LPP: variants seen among roughly 807,000 people sequenced by gnomAD.
LPP encodes the protein lipoma-preferred partner.
Under a neutral mutation model 60.4 loss-of-function variants are expected in LPP, and 38 were observed. The observed-to-expected ratio is 0.63, with a 90% CI of 0.49 to 0.83. The LOEUF is 0.83. LPP is among the 40% of genes least tolerant of loss of function. The probability of loss-of-function intolerance (pLI) is 0.00; values close to 1 mark genes in which losing one functional copy is unlikely to be tolerated. For synonymous variants in LPP, 328 were observed against 290.8 expected, an observed-to-expected ratio of 1.13 and a Z score of -1.30; for missense variants, 902 against 783.6, an observed-to-expected ratio of 1.15 and a Z score of -1.80.
intron 4 of LPP, among the ~76,000 whole-genome samples, chr3:188,416,331 A>G (rs1057186503): frequency 2.0e-5 from 3 of 152,212 alleles, no homozygotes; most frequent in Admixed American, 2.0e-4. Context: ...AAAAAAATTA[A>G]AGCAAGTCCT....
At chr3:188,806,245 G>C (rs912497579) in intron 9 of LPP, among the ~76,000 whole-genome samples, 1 of 151,634 alleles carries the variant, frequency 6.6e-6, no homozygotes, top group African/African-American at 2.4e-5. Flanking sequence ...AATGTATTTT[G>C]AAGCCATACT....
At chr3:188,424,487 T>G (rs1050172894) in intron 4 of LPP, among the ~76,000 whole-genome samples, 4 of 152,198 alleles carry the variant, frequency 2.6e-5, no homozygotes, top group Admixed American at 2.0e-4. Flanking sequence ...TCTACTTCTG[T>G]GAAGAATGTC....
At chr3:188,313,487 A>T (rs1320746030) in intron 2 of LPP, among the ~76,000 whole-genome samples, 1 of 151,986 alleles carries the variant, frequency 6.6e-6, no homozygotes, top group African/African-American at 2.4e-5. Flanking sequence ...AGAATACAAA[A>T]ATTAGCCAAG....
At chr3:188,742,790 A>G (rs1014558302) in intron 8 of LPP, among the ~76,000 whole-genome samples, 8 of 152,210 alleles carry the variant, frequency 5.3e-5, no homozygotes, top group Non-Finnish European at 7.3e-5. Context: ...GTGTACAGTT[A>G]AAATGGTTTT....
At chr3:188,161,532 C>A (rs887272481) in intron 1 of LPP, among the ~76,000 whole-genome samples, 4 of 152,100 alleles carry the variant, frequency 2.6e-5, no homozygotes, top group Admixed American at 2.6e-4. Flanking sequence ...TGGACTGGGG[C>A]CTTCTTGGCC....
Position 188,689,176 on chromosome 3 carries a change from C to T in LPP, c.1114-19091C>T, listed in dbSNP as rs76982137. On this transcript the variant is annotated intron_variant, in intron 7 of 11. Transcript: ENST00000617246. ...TGTTGGGAGGATTTGAGCCTGGGGT[C>T]GGCCTGGCACCCAGCTATGGTAGTT... Among the ~76,000 whole-genome samples the T allele has an allele frequency of 1.1e-3, 164 of 152,274 alleles. No individual in the cohort carries two copies. The East Asian group carries it at 0.031, about 29-fold the overall frequency.
chr3:188,593,999 A>G (rs551739791), intron 6 of LPP, among the ~76,000 whole-genome samples: 247 of 152,258 alleles, frequency 1.6e-3, no homozygotes, highest in Middle Eastern at 0.01. Flanking sequence ...GTAGAGCTCT[A>G]TGATGTTTTG....
At chr3:188,189,518 A>G (rs1180605233) in intron 1 of LPP, among the ~76,000 whole-genome samples, 1 of 152,164 alleles carries the variant, frequency 6.6e-6, no homozygotes, top group African/African-American at 2.4e-5. Flanking sequence ...TTTGCCTAAG[A>G]CACCTCATTC....
chr3:188,318,059 A>T (rs1264712807), intron 2 of LPP, among the ~76,000 whole-genome samples: 1 of 152,210 alleles, frequency 6.6e-6, no homozygotes, highest in African/African-American at 2.4e-5. Flanking sequence ...ATCCTTCTCC[A>T]CAAAAAGCCC....
chr3:188,241,800 A>G (rs993622350), intron 2 of LPP, among the ~76,000 whole-genome samples: 1 of 152,176 alleles, frequency 6.6e-6, no homozygotes, highest in Non-Finnish European at 1.5e-5. Context: ...TTGTTTTTCT[A>G]GAAAGAGTTT....
intron 7 of LPP, among the ~76,000 whole-genome samples, chr3:188,703,654 C>G (rs1342926538): frequency 6.6e-6 from 1 of 152,054 alleles, no homozygotes; most frequent in Non-Finnish European, 1.5e-5. Context: ...AAACAGGAAT[C>G]CATAATTAGC....
At position 188,756,030 on chromosome 3, in the gene LPP, G is replaced by A. The variant is rs1730114013; in HGVS notation, c.1241-4083G>A. Among the ~76,000 whole-genome samples the A allele has an allele frequency of 5.3e-5, 8 of 151,998 alleles. No homozygotes were observed. In the South Asian group the frequency reaches 1.7e-3, roughly 32 times the overall value. On this transcript the variant is annotated intron_variant, in intron 8 of 11. Transcript: ENST00000617246. ...AAGACTTCTGTAAAGTCTTTCTGTT[G>A]GTAAGAGGAGGTAAATCAGAGATAT...
At chr3:188,583,481 A>G (rs1836732095) in intron 6 of LPP, among the ~76,000 whole-genome samples, 1 of 152,164 alleles carries the variant, frequency 6.6e-6, no homozygotes. Flanking sequence ...GGTATAATTT[A>G]GTTTAAATGT....
intron 6 of LPP, among the ~76,000 whole-genome samples, chr3:188,577,745 GTTCCTTCGTTCCTTCGTTCCTTCC>G (rs1374735314): frequency 1.5e-5 from 1 of 68,394 alleles, no homozygotes; most frequent in African/African-American, 4.7e-5. Flanking sequence ...TCCTTCCTTT[GTTCCTTCGTTCCTTCGTTCCTTCC>G]TTCCTTCCTT....
chr3:188,239,640 T>TG (rs1310383454), intron 2 of LPP, among the ~76,000 whole-genome samples: 1 of 152,192 alleles, frequency 6.6e-6, no homozygotes, highest in East Asian at 1.9e-4. Flanking sequence ...TTTCTGAACT[T>TG]GGGGCCCATT....
At chr3:188,176,423 G>C in intron 1 of LPP, among the ~76,000 whole-genome samples, 1 of 152,180 alleles carries the variant, frequency 6.6e-6, no homozygotes. Context: ...GTCAGGTAGA[G>C]TCAAAATCAG....
intron 7 of LPP, among the ~76,000 whole-genome samples, chr3:188,667,147 C>T (rs1855952315): frequency 2.0e-5 from 3 of 152,126 alleles, no homozygotes; most frequent in Admixed American, 2.0e-4. Context: ...GTGAAATAGT[C>T]TCAGGCACAA....
intron 9 of LPP, among the ~76,000 whole-genome samples, chr3:188,834,324 G>GTTTTTTTTTTTTTTT (rs71867135): frequency 4.7e-4 from 16 of 34,080 alleles, no homozygotes; most frequent in Non-Finnish European, 6.9e-4. Context: ...CTTTTTGGGT[G>GTTTTTTTTTTTTTTT]TTTTTTTTTT....
chr3:188,727,164 C>T (rs1718732810), intron 8 of LPP, among the ~76,000 whole-genome samples: 1 of 152,142 alleles, frequency 6.6e-6, no homozygotes, highest in Admixed American at 6.5e-5. Flanking sequence ...TAACCTTGAG[C>T]AAGTTTTGCT....
Sources: gnomAD v4.1 joint callset for allele counts (sites outside exome capture counted in the v4.1 genomes callset) on GRCh38, gnomAD v4.1.1 for gene constraint, MANE v1.5 for transcripts, NCBI Gene and HGNC (gene_info 2026-07-23, HGNC 2026-07-21) for gene names.